Variants in OSBPL1A observed in about 807,000 individuals in gnomAD.
OSBPL1A encodes oxysterol-binding protein-related protein 1.
Under a neutral mutation model 137.1 loss-of-function variants are expected in OSBPL1A, and 80 were observed. The ratio of observed to expected loss-of-function variants is 0.58; its 90% CI spans 0.49 to 0.70. The LOEUF (loss-of-function observed/expected upper bound fraction) is 0.70. Ranked by LOEUF, OSBPL1A falls within the 30% of genes least tolerant of loss-of-function variation. OSBPL1A has a pLI of 0.00. For synonymous variants in OSBPL1A, 365 were observed against 389.7 expected (o/e 0.94, Z 0.75); for missense variants, 970 against 1,129.4 (o/e 0.86, Z 2.02).
At chr18:24,334,968 C>T (rs189899073) in intron 5 of OSBPL1A, among the ~76,000 whole-genome samples, 129 of 152,262 alleles carry the variant, frequency 8.5e-4, no homozygotes, top group Middle Eastern at 3.4e-3. Flanking sequence ...TAGCTCATTG[C>T]AGCTTCAAAC....
At chr18:24,182,279 G>A (rs1197477235) in intron 18 of OSBPL1A, among the ~76,000 whole-genome samples, 1 of 152,180 alleles carries the variant, frequency 6.6e-6, no homozygotes, top group Admixed American at 6.5e-5. Context: ...AACTGCAACT[G>A]TTCAATTCTG....
chr18:24,332,226 A>C (rs554033523), intron 7 of OSBPL1A, among the ~76,000 whole-genome samples: 1 of 151,646 alleles, frequency 6.6e-6, no homozygotes, highest in African/African-American at 2.4e-5. Flanking sequence ...AAATACAAAA[A>C]AATCAGCCAG....
intron 20 of OSBPL1A, 31 bp from the exon 21 acceptor site, chr18:24,178,226 A>T: frequency 6.7e-7 from 1 of 1,493,104 alleles, no homozygotes; most frequent in Non-Finnish European, 9.0e-7. Flanking sequence ...AAAAAGAAAA[A>T]AAAAAGCAAC....
Position 24,250,783 on chromosome 18 carries a change from C to T in OSBPL1A, c.1282-11401G>A, listed in dbSNP as rs537066830. Among the ~76,000 whole-genome samples, 19 of 152,306 alleles carry T rather than the reference C, an allele frequency of 1.2e-4. 1 individual carries two copies. The South Asian group carries it at 3.9e-3, about 32-fold the overall frequency. ...AAGTACCAGCTTGGCCACAGTGGGA[C>T]AGAGCAATAAGCAGGCTCTTAGTGT... is the stretch of plus-strand genomic sequence containing the variant. On this transcript the variant is annotated intron_variant, in intron 15 of 27. Transcript: ENST00000319481.
chr18:24,340,979 A>G (rs968690243), intron 5 of OSBPL1A, among the ~76,000 whole-genome samples: 4 of 152,226 alleles, frequency 2.6e-5, no homozygotes, highest in African/African-American at 9.6e-5. Context: ...TGAAAAACAG[A>G]TATTTTTTCT....
chr18:24,287,854 G>A (rs1444836511), intron 14 of OSBPL1A, among the ~76,000 whole-genome samples: 7 of 151,138 alleles, frequency 4.6e-5, no homozygotes, highest in Non-Finnish European at 8.9e-5. Flanking sequence ...AATAAATCAC[G>A]TAGTCTCATA....
At chr18:24,318,278 T>C (rs931045272) in intron 9 of OSBPL1A, among the ~76,000 whole-genome samples, 1 of 151,914 alleles carries the variant, frequency 6.6e-6, no homozygotes, top group Non-Finnish European at 1.5e-5. Flanking sequence ...CCCTCGTCTC[T>C]ACTAAAAACA....
chr18:24,168,368 G>C (rs1394466418), intron 24 of OSBPL1A, among the ~76,000 whole-genome samples: 1 of 152,152 alleles, frequency 6.6e-6, no homozygotes, highest in African/African-American at 2.4e-5. Context: ...TACATTCTTG[G>C]GGAAGTCAAC....
intron 15 of OSBPL1A, among the ~76,000 whole-genome samples, chr18:24,242,944 C>T (rs966092048): frequency 6.6e-6 from 1 of 152,220 alleles, no homozygotes; most frequent in East Asian, 1.9e-4. Flanking sequence ...AAAAAGCTGT[C>T]CTACTTCCAT....
intron 18 of OSBPL1A, among the ~76,000 whole-genome samples, chr18:24,193,871 A>G (rs942254193): frequency 6.6e-6 from 1 of 152,282 alleles, no homozygotes; most frequent in African/African-American, 2.4e-5. Flanking sequence ...ATGATTCAGC[A>G]TAAGCATTTA....
At chr18:24,224,182 A>G (rs2087988102) in intron 17 of OSBPL1A, among the ~76,000 whole-genome samples, 2 of 152,208 alleles carry the variant, frequency 1.3e-5, no homozygotes, top group Admixed American at 1.3e-4. Context: ...AATACACATA[A>G]GCCAGAGAAG....
At chr18:24,175,173 TTTA>T (rs1220399571) in intron 21 of OSBPL1A, among the ~76,000 whole-genome samples, 1 of 145,818 alleles carries the variant, frequency 6.9e-6, no homozygotes, top group Non-Finnish European at 1.5e-5. Context: ...CTATTCATTT[TTTA>T]TTGTTCTTTT....
chr18:24,289,001 A>C (rs1484453549), intron 14 of OSBPL1A, among the ~76,000 whole-genome samples: 2 of 152,192 alleles, frequency 1.3e-5, no homozygotes, highest in Non-Finnish European at 2.9e-5. Flanking sequence ...GAACTGATCA[A>C]CAAAATATAT....
At chr18:24,203,134 T>G (rs542900665) in intron 17 of OSBPL1A, among the ~76,000 whole-genome samples, 1 of 152,184 alleles carries the variant, frequency 6.6e-6, no homozygotes, top group African/African-American at 2.4e-5. Context: ...TGCGCCACCA[T>G]GTCTGGCTCA....
chr18:24,250,848 A>G (rs1213988857), intron 15 of OSBPL1A, among the ~76,000 whole-genome samples: 1 of 152,162 alleles, frequency 6.6e-6, no homozygotes, highest in Non-Finnish European at 1.5e-5. Context: ...ACAATTCTGG[A>G]CCTGCCCTGG....
Position 24,352,754 on chromosome 18 carries a change from T to C in OSBPL1A, c.283-11096A>G, listed in dbSNP as rs545175053. On this transcript the variant is annotated intron_variant, in intron 4 of 27. Transcript: ENST00000319481. Reference sequence around the variant, plus strand: ...TGGAACAGAACAGAGTCCTCAGAAATAATGCTGCATATCTACAACTATCTG... The same window carrying C: ...TGGAACAGAACAGAGTCCTCAGAAACAATGCTGCATATCTACAACTATCTG... 4.5e-3 allele frequency among the ~76,000 whole-genome samples: 685 copies of C among 152,192 alleles called. 7 individuals carry two copies. Among genetic ancestry groups the C allele is most frequent in the African/African-American group, 0.016 (656 of 41,508 alleles).
intron 4 of OSBPL1A, chr18:24,357,342 G>A (rs574146543): frequency 6.6e-6 from 1 of 152,220 alleles, no homozygotes; most frequent in Admixed American, 6.5e-5. Flanking sequence ...TGACATAAAC[G>A]GGGCAGAAGA....
chr18:24,232,570 G>A (rs13381700), intron 16 of OSBPL1A, among the ~76,000 whole-genome samples: 2,185 of 152,258 alleles, frequency 0.014, 61 homozygotes, highest in African/African-American at 0.05. Flanking sequence ...GAAATCTTAC[G>A]TGGATCTATT....
intron 15 of OSBPL1A, among the ~76,000 whole-genome samples, chr18:24,247,243 T>G (rs966640245): frequency 2.0e-5 from 3 of 152,138 alleles, no homozygotes; most frequent in Admixed American, 6.5e-5. Flanking sequence ...CAAAGAGGTA[T>G]TTCAAGGAGG....
Sources: allele counts gnomAD v4.1 joint callset (sites outside exome capture counted in the v4.1 genomes callset), GRCh38; gene constraint gnomAD v4.1.1; transcripts MANE v1.5; gene names NCBI Gene and HGNC (gene_info 2026-07-23, HGNC 2026-07-21).